The following SGCD variants were observed in gnomAD, a reference collection of about 807,000 sequenced individuals.
The protein encoded by SGCD is sarcoglycan delta.
In SGCD, 18 loss-of-function variants were observed where a neutral mutation model predicts 36.6. The observed-to-expected ratio is 0.49, with a 90% CI of 0.34 to 0.73. The LOEUF (loss-of-function observed/expected upper bound fraction) is 0.73, where lower values mean the gene tolerates loss of function less well. Ranked by LOEUF, SGCD falls within the 30% of genes least tolerant of loss-of-function variation. SGCD has a pLI of 0.01. For missense variants in SGCD, 387 were observed against 346.7 expected (o/e 1.12, Z -0.92); for synonymous variants, 133 against 130.6 (o/e 1.02, Z -0.12).
chr5:155,732,716 G>T, the SGCD span, among the ~76,000 whole-genome samples: 7 of 152,160 alleles, frequency 4.6e-5, no homozygotes, highest in Non-Finnish European at 7.3e-5. Context: ...AAACCTTGGG[G>T]CAGAGAGGCC....
chr5:156,445,848 A>T (rs988227625), intron 3 of SGCD, among the ~76,000 whole-genome samples: 4 of 152,094 alleles, frequency 2.6e-5, no homozygotes, highest in African/African-American at 9.7e-5. Flanking sequence ...ATGCACACAC[A>T]AACACTGTGT....
chr5:155,958,686 C>G (rs982678804), intron 1 of SGCD, among the ~76,000 whole-genome samples: 1 of 152,112 alleles, frequency 6.6e-6, no homozygotes, highest in Non-Finnish European at 1.5e-5. Context: ...CTAGTTTAAC[C>G]ATTTAACTAG....
At chr5:156,356,389 G>A (rs1353117309) in intron 3 of SGCD, among the ~76,000 whole-genome samples, 1 of 152,146 alleles carries the variant, frequency 6.6e-6, no homozygotes, top group Non-Finnish European at 1.5e-5. Context: ...TGGCCAGAAC[G>A]CCTACACACA....
At chr5:155,996,240 G>A (rs1362790636) in intron 1 of SGCD, among the ~76,000 whole-genome samples, 1 of 152,050 alleles carries the variant, frequency 6.6e-6, no homozygotes, top group African/African-American at 2.4e-5. Flanking sequence ...ACTAAGCATA[G>A]TACCCAATAG....
chr5:155,832,210 T>C, the SGCD span, among the ~76,000 whole-genome samples: 3 of 152,146 alleles, frequency 2.0e-5, no homozygotes, highest in African/African-American at 7.2e-5. Flanking sequence ...ATGAGATCCA[T>C]TGTAGCTTTA....
chr5:155,941,618 A>G (rs1453588520), intron 1 of SGCD, among the ~76,000 whole-genome samples: 1 of 151,616 alleles, frequency 6.6e-6, no homozygotes, highest in African/African-American at 2.4e-5. Context: ...ATTCATAATT[A>G]TTGATAATTA....
At chr5:156,498,230 CT>C (rs11285772) in intron 3 of SGCD, among the ~76,000 whole-genome samples, 50,873 of 140,134 alleles carry the variant, frequency 0.36, 9,360 homozygotes, top group African/African-American at 0.46. Context: ...AATTGGATTG[CT>C]TTTTTTTCTG....
At chr5:155,778,894 A>C in the SGCD span, among the ~76,000 whole-genome samples, 1 of 152,188 alleles carries the variant, frequency 6.6e-6, no homozygotes, top group Admixed American at 6.5e-5. Context: ...CTCAAAAATG[A>C]ATTACTTCTT....
chr5:156,181,258 G>A (rs1017958052), intron 3 of SGCD, among the ~76,000 whole-genome samples: 4 of 152,098 alleles, frequency 2.6e-5, no homozygotes, highest in African/African-American at 9.7e-5. Context: ...TACAACTAAG[G>A]AAAGAGATAT....
At chr5:155,868,341 T>A (rs1311435386), upstream of SGCD, among the ~76,000 whole-genome samples, 2 of 150,624 alleles carry the variant, frequency 1.3e-5, no homozygotes, top group Admixed American at 1.3e-4. Flanking sequence ...CATGAGCTAC[T>A]GTATCCAGCC....
intron 3 of SGCD, among the ~76,000 whole-genome samples, chr5:156,465,820 C>T (rs1444910971): frequency 2.0e-5 from 3 of 152,168 alleles, no homozygotes; most frequent in South Asian, 2.1e-4. Flanking sequence ...TCCTGGGACC[C>T]TTGAGGTGAT....
At chr5:156,633,869 G>C (rs970647684) in intron 6 of SGCD, among the ~76,000 whole-genome samples, 4 of 152,120 alleles carry the variant, frequency 2.6e-5, no homozygotes, top group Non-Finnish European at 4.4e-5. Context: ...AGCCTGCAGG[G>C]TCATTTAAAA....
intron 7 of SGCD, among the ~76,000 whole-genome samples, chr5:156,696,775 G>T (rs746403645): frequency 6.6e-6 from 1 of 152,136 alleles, no homozygotes; most frequent in African/African-American, 2.4e-5. Flanking sequence ...CTCCCAAAGT[G>T]CTGGGATTAC....
chr5:156,198,250 T>C (rs1764066023), intron 3 of SGCD, among the ~76,000 whole-genome samples: 1 of 152,112 alleles, frequency 6.6e-6, no homozygotes, highest in Non-Finnish European at 1.5e-5. Context: ...ATAAGAAGTC[T>C]AGGAGTTCTT....
chr5:156,160,445 A>G (rs886224974), intron 3 of SGCD, among the ~76,000 whole-genome samples: 2 of 151,652 alleles, frequency 1.3e-5, no homozygotes, highest in Non-Finnish European at 2.9e-5. Context: ...ATTTATTTAA[A>G]AATATTCTTT....
At chr5:156,308,966 A>C (rs78680249) in intron 3 of SGCD, among the ~76,000 whole-genome samples, 3,151 of 152,206 alleles carry the variant, frequency 0.021, 36 homozygotes, top group African/African-American at 0.027. Context: ...TTATTTTAGC[A>C]CTTTGAATGT....
chr5:155,753,334 T>TCAAAAAAAAAAAAAAAAAAAA, the SGCD span, among the ~76,000 whole-genome samples: 42 of 135,814 alleles, frequency 3.1e-4, 4 homozygotes, highest in African/African-American at 1.5e-3. Flanking sequence ...AGACTTTGTC[T>TCAAAAAAAAAAAAAAAAAAAA]AAAAAAAAAA....
chr5:156,295,348 T>C (rs1220125755), intron 3 of SGCD, among the ~76,000 whole-genome samples: 1 of 152,190 alleles, frequency 6.6e-6, no homozygotes, highest in Non-Finnish European at 1.5e-5. Context: ...AGTCCTTTTT[T>C]GCTTAGTCTA....
At chr5:156,598,334 G>T (rs1464979557) in intron 6 of SGCD, among the ~76,000 whole-genome samples, 2 of 152,074 alleles carry the variant, frequency 1.3e-5, no homozygotes, top group African/African-American at 4.8e-5. Context: ...ATGAGGTCAG[G>T]ATTTCAAGAC....
Sources: allele counts gnomAD v4.1 joint callset (sites outside exome capture counted in the v4.1 genomes callset), GRCh38; gene constraint gnomAD v4.1.1; transcripts MANE v1.5; gene names NCBI Gene and HGNC (gene_info 2026-07-23, HGNC 2026-07-21).